SEPTIN7: variants seen among roughly 807,000 people sequenced by gnomAD.
SEPTIN7 encodes septin 7.
Under a neutral mutation model 63.3 loss-of-function variants are expected in SEPTIN7, and 10 were observed. The ratio of observed to expected loss-of-function variants is 0.16; its 90% CI spans 0.10 to 0.27. SEPTIN7 has a LOEUF of 0.27. Ranked by LOEUF, SEPTIN7 falls within the 10% of genes least tolerant of loss-of-function variation. The probability of loss-of-function intolerance (pLI) is 1.00; values close to 1 mark genes in which losing one functional copy is unlikely to be tolerated. For synonymous variants in SEPTIN7, 131 were observed against 165.3 expected (o/e 0.79, Z 1.59); for missense variants, 310 against 521.0 (o/e 0.59, Z 3.94).
chr7:35,878,140 C>G (rs1786593106), intron 6 of SEPTIN7, among the ~76,000 whole-genome samples: 1 of 152,010 alleles, frequency 6.6e-6, no homozygotes, highest in East Asian at 1.9e-4. Flanking sequence ...TGCAGGCAGG[C>G]AGTTATGGTA....
chr7:35,902,308 A>G (rs1788372280), intron 12 of SEPTIN7: 1 of 151,844 alleles, frequency 6.6e-6, no homozygotes, highest in African/African-American at 2.4e-5. Flanking sequence ...TTCTGCAGTT[A>G]CTTCGCATGA....
intron 4 of SEPTIN7, among the ~76,000 whole-genome samples, chr7:35,871,345 G>A (rs1221774924): frequency 6.6e-6 from 1 of 152,086 alleles, no homozygotes; most frequent in African/African-American, 2.4e-5. Context: ...GTAGACCTCT[G>A]CTGTGTATTC....
intron 1 of SEPTIN7, among the ~76,000 whole-genome samples, chr7:35,802,630 T>G (rs1184131517): frequency 1.3e-5 from 2 of 152,254 alleles, no homozygotes; most frequent in Admixed American, 1.3e-4. Flanking sequence ...CCCCTAAAGT[T>G]TATGTGCAGA....
intron 5 of SEPTIN7, 110 bp from the exon 6 acceptor site, chr7:35,873,528 TCTA>T: frequency 2.1e-6 from 2 of 939,974 alleles, no homozygotes; most frequent in Non-Finnish European, 3.1e-6. Flanking sequence ...TGACATATCT[TCTA>T]CTGGTAAATT....
intron 11 of SEPTIN7, among the ~76,000 whole-genome samples, chr7:35,894,843 A>C (rs563895373): frequency 6.6e-6 from 1 of 152,204 alleles, no homozygotes; most frequent in Non-Finnish European, 1.5e-5. Flanking sequence ...AATGTGGGTC[A>C]TATGTAATGC....
At chr7:35,802,076 A>C (rs1043806317) in intron 1 of SEPTIN7, among the ~76,000 whole-genome samples, 3 of 152,138 alleles carry the variant, frequency 2.0e-5, no homozygotes, top group Non-Finnish European at 4.4e-5. Context: ...AAGGGTGGGA[A>C]GGGTCCTTGG....
intron 1 of SEPTIN7, among the ~76,000 whole-genome samples, chr7:35,817,135 C>T (rs561963046): frequency 6.6e-6 from 1 of 151,988 alleles, no homozygotes; most frequent in Admixed American, 6.6e-5. Flanking sequence ...ATTTCTAATC[C>T]AAGGTCATGA....
chr7:35,836,811 A>G (rs560845563), intron 3 of SEPTIN7, among the ~76,000 whole-genome samples: 2 of 152,256 alleles, frequency 1.3e-5, no homozygotes, highest in African/African-American at 4.8e-5. Context: ...AAAATTTTGT[A>G]TCTAGGCTGT....
intron 1 of SEPTIN7, among the ~76,000 whole-genome samples, chr7:35,818,547 T>G (rs145211034): frequency 1.3e-5 from 2 of 152,182 alleles, no homozygotes; most frequent in African/African-American, 4.8e-5. Context: ...CTTTAAACAT[T>G]TGATAGAATT....
At chr7:35,833,823 G>A (rs1783949320) in intron 3 of SEPTIN7, among the ~76,000 whole-genome samples, 1 of 151,906 alleles carries the variant, frequency 6.6e-6, no homozygotes. Context: ...TAGGTTAATT[G>A]AACTAGCTGT....
chr7:35,904,705 A>G lies in SEPTIN7; in HGVS notation c.*412A>G, dbSNP rs1411387561. 1 of 154,778 alleles carries G rather than the reference A, an allele frequency of 6.5e-6. No homozygotes were observed. Among genetic ancestry groups the G allele is most frequent in the Non-Finnish European group, 1.4e-5 (1 of 69,614 alleles). The allele number at this position is 154,778 out of a possible 1,614,324, so 9.6% of individuals were successfully genotyped here. A position where few individuals can be genotyped will look rare whatever the true frequency, so the allele number is the denominator to read the frequency against. On this transcript the variant is annotated 3_prime_UTR_variant, in exon 14 of 14. Coordinates refer to ENST00000350320, the MANE Select transcript of SEPTIN7 (RefSeq NM_001788.6). ...ACTGTGCTTCTCTATGATAATTACA[A>G]TACAAAGGTTCCATTCAGTGCAGCA...
At chr7:35,873,850 A>G in intron 6 of SEPTIN7, 75 bp downstream of exon 6, 1 of 1,394,548 alleles carries the variant, frequency 7.2e-7, no homozygotes, top group Non-Finnish European at 1.0e-6. Flanking sequence ...TACTTTAGTA[A>G]TCTTTAAGTT....
chr7:35,896,104 C>T (rs935690031), intron 11 of SEPTIN7, among the ~76,000 whole-genome samples: 16 of 152,148 alleles, frequency 1.1e-4, no homozygotes, highest in Admixed American at 2.0e-4. Context: ...CCACCGTGCC[C>T]GGCTTAAAAG....
At chr7:35,841,466 A>G (rs1373692072) in intron 3 of SEPTIN7, among the ~76,000 whole-genome samples, 3 of 152,208 alleles carry the variant, frequency 2.0e-5, no homozygotes, top group African/African-American at 2.4e-5. Context: ...GTCGAAAAAC[A>G]CAGCTATCCT....
intron 3 of SEPTIN7, among the ~76,000 whole-genome samples, chr7:35,837,057 A>T (rs1047464116): frequency 6.6e-6 from 1 of 152,210 alleles, no homozygotes; most frequent in Non-Finnish European, 1.5e-5. Flanking sequence ...GAAGAAAAAA[A>T]TCACATAATT....
intron 10 of SEPTIN7, among the ~76,000 whole-genome samples, chr7:35,887,799 GTTA>G (rs1309556469): frequency 1.3e-5 from 2 of 152,166 alleles, no homozygotes; most frequent in Admixed American, 1.3e-4. Flanking sequence ...AAATTCTAAA[GTTA>G]TTATTAAAAA....
intron 10 of SEPTIN7, among the ~76,000 whole-genome samples, chr7:35,888,669 A>G (rs1300087885): frequency 6.6e-6 from 1 of 151,950 alleles, no homozygotes. Context: ...AAAATACAAG[A>G]AATAGTCGGG....
At chr7:35,885,489 C>G (rs988158533) in intron 9 of SEPTIN7, among the ~76,000 whole-genome samples, 1 of 152,150 alleles carries the variant, frequency 6.6e-6, no homozygotes, top group Non-Finnish European at 1.5e-5. Context: ...TCTCCCTTCA[C>G]TCACACCACT....
chr7:35,836,733 A>G (rs773409601), intron 3 of SEPTIN7, among the ~76,000 whole-genome samples: 13 of 152,182 alleles, frequency 8.5e-5, no homozygotes, highest in Non-Finnish European at 1.6e-4. Context: ...TTGATGTTTG[A>G]ATTGATAAAA....
Sources: allele counts gnomAD v4.1 joint callset (sites outside exome capture counted in the v4.1 genomes callset), GRCh38; gene constraint gnomAD v4.1.1; transcripts MANE v1.5; gene names NCBI Gene and HGNC (gene_info 2026-07-23, HGNC 2026-07-21).